Variants in NPAS2 observed in about 807,000 individuals in gnomAD.
NPAS2 encodes neuronal PAS domain protein 2, also known as neuronal PAS domain-containing protein 2.
Under a neutral mutation model 107.5 loss-of-function variants are expected in NPAS2, and 23 were observed. The ratio of observed to expected loss-of-function variants is 0.21; its 90% CI spans 0.15 to 0.30. The LOEUF is 0.30. NPAS2 is among the 10% of genes least tolerant of loss of function. The pLI, the probability that NPAS2 is intolerant of heterozygous loss-of-function variation, is 1.00. For synonymous variants in NPAS2, 403 were observed against 417.5 expected (o/e 0.97, Z 0.42); for missense variants, 756 against 1,043.3 (o/e 0.72, Z 3.79).
At chr2:100,988,436 C>T in intron 17 of NPAS2, 160 bp downstream of exon 17, 1 of 633,692 alleles carries the variant, frequency 1.6e-6, no homozygotes, top group Non-Finnish European at 2.8e-6. Context: ...TCTTTTCCTT[C>T]TTCTGTTAAA....
upstream of NPAS2, among the ~76,000 whole-genome samples, chr2:100,819,631 C>T (rs370402033): frequency 1.2e-4 from 18 of 152,350 alleles, no homozygotes; most frequent in East Asian, 3.1e-3. This position sits in a 1 kb window ranked among gnomAD's most constrained non-coding sequence, Gnocchi z 5.8. Flanking sequence ...CCCTTCATCC[C>T]CTGCGCGGGA....
At position 100,982,447 on chromosome 2, in the gene NPAS2, G is replaced by C. The variant is rs548750658; in HGVS notation, c.1629+70G>C. On this transcript the variant is annotated intron_variant, in intron 16 of 20. Coordinates refer to ENST00000335681, the MANE Select transcript of NPAS2 (RefSeq NM_002518.4). ...GAAGGGGTCCTGCCGCCATTTCCGGGCAGCCAGGACTTCCTCCCAAGCCCT... is the reference window on the plus strand; with the variant it reads ...GAAGGGGTCCTGCCGCCATTTCCGGCCAGCCAGGACTTCCTCCCAAGCCCT... 11 of 1,567,518 alleles carry C rather than the reference G, an allele frequency of 7.0e-6. No individual in the cohort carries two copies. In the Admixed American group the frequency reaches 1.9e-4, roughly 27 times the overall value.
chr2:100,898,138 C>CT (rs1377055261), intron 1 of NPAS2, among the ~76,000 whole-genome samples: 4 of 152,052 alleles, frequency 2.6e-5, no homozygotes, highest in Non-Finnish European at 4.4e-5. Context: ...CTGGTGCTCA[C>CT]TGTAACCTTG....
At chr2:100,959,762 C>T (rs1161271848) in intron 7 of NPAS2, among the ~76,000 whole-genome samples, 2 of 152,186 alleles carry the variant, frequency 1.3e-5, no homozygotes, top group Admixed American at 6.5e-5. Flanking sequence ...AGCTATTTGT[C>T]ACTTCCTTGT....
At chr2:100,983,757 G>C (rs1452303494) in intron 16 of NPAS2, 1 of 152,252 alleles carries the variant, frequency 6.6e-6, no homozygotes, top group African/African-American at 2.4e-5. Flanking sequence ...CCTTTTACCA[G>C]AATAGGTAAA....
In NPAS2 at chr2:100,949,487, TTTAA is replaced by T; in HGVS notation, c.598+10_598+13del. On this transcript the variant is annotated splice_region_variant and intron_variant, in intron 7 of 20. Coordinates refer to ENST00000335681, the MANE Select transcript of NPAS2 (RefSeq NM_002518.4). ...TTTCGCTCTTACAACAATGGTAAGC[TTTAA>T]TTGTCATATAATTGTGACAGTGTCT... 1 of 1,441,192 alleles carries T rather than the reference TTTAA, an allele frequency of 6.9e-7. No individual in the cohort carries two copies. Among genetic ancestry groups the T allele is most frequent in the Non-Finnish European group, 9.8e-7 (1 of 1,023,200 alleles). 89.3% of individuals were successfully genotyped at this position (1,441,192 alleles called of 1,614,324 possible). A position where few individuals can be genotyped will look rare whatever the true frequency, so the allele number is the denominator to read the frequency against.
chr2:100,916,497 A>C (rs1020632173), intron 2 of NPAS2, among the ~76,000 whole-genome samples: 1 of 152,200 alleles, frequency 6.6e-6, no homozygotes, highest in Non-Finnish European at 1.5e-5. Context: ...AAAGAAATTT[A>C]CTAGGAATAA....
At chr2:100,908,735 T>C (rs1220406172) in intron 2 of NPAS2, among the ~76,000 whole-genome samples, 1 of 152,212 alleles carries the variant, frequency 6.6e-6, no homozygotes, top group Non-Finnish European at 1.5e-5. Flanking sequence ...AATGAGTCCA[T>C]GACCTCCTCT....
chr2:100,984,408 C>G (rs914744244), intron 16 of NPAS2: 2 of 152,138 alleles, frequency 1.3e-5, no homozygotes, highest in African/African-American at 4.8e-5. Flanking sequence ...ATAAGAATGA[C>G]AAAACACTGA....
intron 11 of NPAS2, among the ~76,000 whole-genome samples, chr2:100,970,019 G>A (rs992247818): frequency 6.6e-5 from 10 of 152,232 alleles, no homozygotes; most frequent in African/African-American, 1.7e-4. Context: ...TCCTTAACAC[G>A]CAGAAGAGGG....
At chr2:100,860,253 GTT>G (rs1296611108) in intron 1 of NPAS2, among the ~76,000 whole-genome samples, 1 of 152,116 alleles carries the variant, frequency 6.6e-6, no homozygotes, top group Non-Finnish European at 1.5e-5. Context: ...CTCAGTTGGG[GTT>G]TGTCTTATGT....
chr2:100,959,993 T>A (rs528113171), intron 7 of NPAS2, among the ~76,000 whole-genome samples: 1 of 152,336 alleles, frequency 6.6e-6, no homozygotes, highest in East Asian at 1.9e-4. Context: ...AAAAGTTCTC[T>A]ACCACCTGAG....
At chr2:100,875,274 G>T (rs532143494) in intron 1 of NPAS2, among the ~76,000 whole-genome samples, 3 of 152,274 alleles carry the variant, frequency 2.0e-5, no homozygotes, top group South Asian at 4.1e-4. Flanking sequence ...GTTGCCAAAC[G>T]CTGGGGAAAG....
intron 7 of NPAS2, among the ~76,000 whole-genome samples, chr2:100,963,390 G>GTTTGT (rs552393797): frequency 0.023 from 3,367 of 149,104 alleles, 33 homozygotes; most frequent in African/African-American, 0.03. Flanking sequence ...TCTTTTTTTT[G>GTTTGT]TTTGTTTTGT....
chr2:100,959,948 C>G (rs1675824061), intron 7 of NPAS2, among the ~76,000 whole-genome samples: 2 of 152,218 alleles, frequency 1.3e-5, no homozygotes, highest in Admixed American at 1.3e-4. Flanking sequence ...ATTACCATTT[C>G]TGCATCTTCC....
chr2:100,866,261 C>T (rs943377949), intron 1 of NPAS2, among the ~76,000 whole-genome samples: 38 of 152,304 alleles, frequency 2.5e-4, no homozygotes, highest in African/African-American at 9.1e-4. Flanking sequence ...ACTCCTGACA[C>T]AGTTTGTCAA....
rs560470707 is a variant in NPAS2 at position 100,861,902 on chromosome 2, G to T, written c.-23+41488G>T. Among the ~76,000 whole-genome samples, 14 of 152,258 alleles carry T rather than the reference G, an allele frequency of 9.2e-5. 1 individual carries two copies. The highest frequency in any genetic ancestry group is 7.2e-4 in the Admixed American group (11 of 15,292). On this transcript the variant is annotated intron_variant, in intron 1 of 20. Coordinates refer to ENST00000335681, the MANE Select transcript of NPAS2 (RefSeq NM_002518.4). ...ACCATCCTATGACTACCAACCCGGT[G>T]GACTGGGGAAGATGTCAACAGGAAT...
intron 8 of NPAS2, among the ~76,000 whole-genome samples, chr2:100,964,384 G>A (rs758855926): frequency 1.1e-4 from 16 of 152,232 alleles, no homozygotes; most frequent in Non-Finnish European, 1.5e-4. Flanking sequence ...AGGCAGCATC[G>A]CTTGCTGTTC....
At chr2:100,837,023 T>C (rs1677113241) in intron 1 of NPAS2, among the ~76,000 whole-genome samples, 1 of 152,106 alleles carries the variant, frequency 6.6e-6, no homozygotes, top group Non-Finnish European at 1.5e-5. Context: ...CTCACATTGC[T>C]ATTTCCAGTA....
Sources: gnomAD v4.1 joint callset for allele counts (sites outside exome capture counted in the v4.1 genomes callset) on GRCh38, gnomAD v4.1.1 for gene constraint, Gnocchi (gnomAD v3.1) non-coding constraint, MANE v1.5 for transcripts, NCBI Gene and HGNC (gene_info 2026-07-23, HGNC 2026-07-21) for gene names.